Variants in PHF2 observed in about 807,000 individuals in gnomAD.
The protein encoded by PHF2 is PHD finger protein 2, also known as lysine-specific demethylase PHF2.
PHF2 carries 27 observed loss-of-function variants against 120.5 expected under a neutral mutation model. That is an observed-to-expected ratio of 0.22 (90% CI 0.17 to 0.31). The LOEUF is 0.31. Among genes scored for constraint, PHF2 ranks in the 10% least tolerant of loss-of-function variants. The pLI is 1.00. For synonymous variants in PHF2, 568 were observed against 592.5 expected (o/e 0.96, Z 0.60); for missense variants, 1,024 against 1,434.8 (o/e 0.71, Z 4.63).
At chr9:93,595,074 C>G (rs1043573536) in intron 1 of PHF2, among the ~76,000 whole-genome samples, 1 of 152,146 alleles carries the variant, frequency 6.6e-6, no homozygotes, top group Non-Finnish European at 1.5e-5. Context: ...CTTATAGATG[C>G]TAAATAATTA....
At chr9:93,579,116 G>A (rs755215808) in intron 1 of PHF2, among the ~76,000 whole-genome samples, 2 of 152,086 alleles carry the variant, frequency 1.3e-5, no homozygotes, top group African/African-American at 2.4e-5. Context: ...CACAGCCCTG[G>A]GCAAATCCTT....
intron 1 of PHF2, among the ~76,000 whole-genome samples, chr9:93,627,469 A>G (rs2131646751): frequency 7.6e-6 from 1 of 130,922 alleles, no homozygotes; most frequent in Admixed American, 7.4e-5. Context: ...TTCCTTTCCA[A>G]TTCAGACTCC....
chr9:93,671,223 C>A (rs1826780308), intron 17 of PHF2: 1 of 966,546 alleles, frequency 1.0e-6, no homozygotes, highest in Admixed American at 6.3e-5. Flanking sequence ...GGTGTAGTTG[C>A]AGGTGTGTGG....
At position 93,656,360 on chromosome 9, in the gene PHF2, C is replaced by T. The variant is rs557395774; in HGVS notation, c.1041-129C>T. ...TCTGCAGCCACCAGGGCAGTTTTCC[C>T]CTGGTCCTCCTCAGCTATGCAGGGC... On this transcript the variant is annotated intron_variant, in intron 8 of 21. Transcript: ENST00000359246. This position sits in a 1 kb window ranked among gnomAD's most constrained non-coding sequence, Gnocchi z 4.1. 1 of 702,582 alleles carries T rather than the reference C, an allele frequency of 1.4e-6. No individual in the cohort carries two copies. The highest frequency in any genetic ancestry group is 2.5e-6 in the Non-Finnish European group (1 of 406,372). 43.5% of individuals were successfully genotyped at this position (702,582 alleles called of 1,614,324 possible).
At chr9:93,595,182 A>G (rs1289776645) in intron 1 of PHF2, among the ~76,000 whole-genome samples, 1 of 152,242 alleles carries the variant, frequency 6.6e-6, no homozygotes, top group Non-Finnish European at 1.5e-5. Context: ...GATTAGTCAT[A>G]ACTATTCAGG....
intron 13 of PHF2, 30 bp from the exon 14 acceptor site, chr9:93,663,487 C>A: frequency 7.2e-7 from 1 of 1,394,324 alleles, no homozygotes; most frequent in Non-Finnish European, 1.0e-6. Flanking sequence ...CTGTGTGGGG[C>A]TCAGGGACGG....
intron 7 of PHF2, among the ~76,000 whole-genome samples, chr9:93,655,092 C>G (rs1826435638): frequency 6.6e-6 from 1 of 152,210 alleles, no homozygotes; most frequent in Admixed American, 6.5e-5. Context: ...GACGTTAGAA[C>G]AAATCCCAGA....
intron 1 of PHF2, among the ~76,000 whole-genome samples, chr9:93,620,765 A>G (rs1309494776): frequency 2.0e-5 from 3 of 152,158 alleles, no homozygotes; most frequent in Non-Finnish European, 4.4e-5. Flanking sequence ...GTGTGAGGAA[A>G]ATATTTTCCA....
chr9:93,647,137 G>C (rs149690839), intron 4 of PHF2, among the ~76,000 whole-genome samples: 3 of 152,352 alleles, frequency 2.0e-5, no homozygotes, highest in African/African-American at 7.2e-5. Context: ...TAATGTTCAT[G>C]CTTGCCAGGC....
At chr9:93,662,255 A>G (rs1826583949) in intron 12 of PHF2, among the ~76,000 whole-genome samples, 1 of 151,596 alleles carries the variant, frequency 6.6e-6, no homozygotes, top group South Asian at 2.1e-4. Context: ...GAATGGACTG[A>G]TCGATGGATA....
chr9:93,677,834 G>C lies in PHF2; in HGVS notation c.*158G>C. 3 of 614,396 alleles carry C rather than the reference G, an allele frequency of 4.9e-6. No homozygotes were observed. The highest frequency in any genetic ancestry group is 4.0e-5 in the South Asian group (2 of 49,986). The allele number at this position is 614,396 out of a possible 1,614,324, so 38.1% of individuals were successfully genotyped here. ...CAAGCGTCTGTCCCTTCAGCCGGCA[G>C]AGCGAGCCCAGCGTGGCCCCTCAAT... On this transcript the variant is annotated 3_prime_UTR_variant, in exon 22 of 22. Transcript: ENST00000359246. The surrounding 1 kb of genome is among the most constrained non-coding windows in gnomAD (Gnocchi z 4.4).
intron 1 of PHF2, among the ~76,000 whole-genome samples, chr9:93,606,677 T>C (rs549232728): frequency 6.6e-6 from 1 of 152,370 alleles, no homozygotes; most frequent in East Asian, 1.9e-4. Context: ...ACAGTGTCTT[T>C]TGCACAGCAG....
intron 1 of PHF2, among the ~76,000 whole-genome samples, chr9:93,612,748 G>A (rs1324149541): frequency 6.6e-6 from 1 of 152,176 alleles, no homozygotes; most frequent in Non-Finnish European, 1.5e-5. Flanking sequence ...GTATTGTCCT[G>A]AATTGTTTTG....
intron 3 of PHF2, among the ~76,000 whole-genome samples, chr9:93,640,450 A>AC (rs1160548900): frequency 6.6e-6 from 1 of 151,992 alleles, no homozygotes; most frequent in African/African-American, 2.4e-5. Flanking sequence ...CTTCAAGCTT[A>AC]CTGGTTCTTT....
chr9:93,598,742 C>G (rs1825378542), intron 1 of PHF2, among the ~76,000 whole-genome samples: 1 of 152,188 alleles, frequency 6.6e-6, no homozygotes, highest in African/African-American at 2.4e-5. Flanking sequence ...TCCCAGGCTG[C>G]TGACAACAAG....
intron 7 of PHF2, 106 bp downstream of exon 7, chr9:93,654,681 A>T: frequency 9.4e-7 from 1 of 1,059,272 alleles, no homozygotes; most frequent in Admixed American, 1.8e-5. Flanking sequence ...TCTCTTCGGC[A>T]TCCCTGGCAT....
chr9:93,641,658 T>A (rs1469357460), intron 3 of PHF2, among the ~76,000 whole-genome samples: 1 of 152,254 alleles, frequency 6.6e-6, no homozygotes. Context: ...TGTTGTTTTA[T>A]TTTTGAGTTG....
chr9:93,644,563 G>A (rs79734557), intron 3 of PHF2, among the ~76,000 whole-genome samples: 2,015 of 152,052 alleles, frequency 0.013, 38 homozygotes, highest in African/African-American at 0.043. Flanking sequence ...TCCTCCCCTC[G>A]GCCCTGTCTT....
intron 1 of PHF2, among the ~76,000 whole-genome samples, chr9:93,601,223 G>T (rs979361448): frequency 1.3e-5 from 2 of 152,210 alleles, no homozygotes; most frequent in Non-Finnish European, 2.9e-5. Context: ...ATTGGCCGGG[G>T]CCCACCCAGG....
Sources: allele counts gnomAD v4.1 joint callset (sites outside exome capture counted in the v4.1 genomes callset), GRCh38; gene constraint gnomAD v4.1.1; non-coding constraint Gnocchi (gnomAD v3.1); transcripts MANE v1.5; gene names NCBI Gene and HGNC (gene_info 2026-07-23, HGNC 2026-07-21).